Variants in SMARCC1 observed in about 807,000 individuals in gnomAD.
The protein encoded by SMARCC1 is SWI/SNF complex subunit SMARCC1.
A neutral mutation model predicts 147.4 loss-of-function variants in SMARCC1; 43 were observed. That is an observed-to-expected ratio of 0.29 (90% CI 0.23 to 0.38). The LOEUF is 0.38. Among genes scored for constraint, SMARCC1 ranks in the 10% least tolerant of loss-of-function variants. SMARCC1 has a pLI of 1.00. For missense variants in SMARCC1, 1,119 were observed against 1,381.1 expected, an observed-to-expected ratio of 0.81 and a Z score of 3.01; for synonymous variants, 495 against 484.4, an observed-to-expected ratio of 1.02 and a Z score of -0.29.
intron 21 of SMARCC1, among the ~76,000 whole-genome samples, chr3:47,654,796 C>T (rs1172959872): frequency 1.3e-5 from 2 of 152,158 alleles, no homozygotes; most frequent in Non-Finnish European, 2.9e-5. Context: ...AATCCAATTC[C>T]CCAAGAGTGA....
At chr3:47,734,999 C>T (rs1455639506) in intron 5 of SMARCC1, among the ~76,000 whole-genome samples, 2 of 152,178 alleles carry the variant, frequency 1.3e-5, no homozygotes, top group African/African-American at 2.4e-5. Context: ...TCGTGATCCG[C>T]CCGCCTTGGC....
chr3:47,738,756 A>G (rs2034474933), intron 3 of SMARCC1, among the ~76,000 whole-genome samples: 1 of 152,160 alleles, frequency 6.6e-6, no homozygotes, highest in Non-Finnish European at 1.5e-5. Context: ...CATCTTGGGT[A>G]TTTAATTCTA....
At chr3:47,780,933 G>A (rs2035039530) in intron 1 of SMARCC1, among the ~76,000 whole-genome samples, 1 of 152,056 alleles carries the variant, frequency 6.6e-6, no homozygotes, top group South Asian at 2.1e-4. Flanking sequence ...ATCAGTAAAT[G>A]AATAATTTCA....
intron 8 of SMARCC1, among the ~76,000 whole-genome samples, chr3:47,712,494 A>G (rs1285047413): frequency 6.6e-6 from 1 of 152,194 alleles, no homozygotes; most frequent in Non-Finnish European, 1.5e-5. Flanking sequence ...TCTCCTGAGA[A>G]AGAATGTTAG....
intron 21 of SMARCC1, 100 bp from the exon 22 acceptor site, chr3:47,638,880 A>G: frequency 1.2e-6 from 1 of 819,372 alleles, no homozygotes; most frequent in Non-Finnish European, 2.1e-6. Flanking sequence ...TATATACAGT[A>G]ATACATAACG....
chr3:47,672,508 G>A (rs1038408893), intron 18 of SMARCC1, among the ~76,000 whole-genome samples: 68 of 152,106 alleles, frequency 4.5e-4, no homozygotes, highest in African/African-American at 1.3e-3. Context: ...GTCCAGCCCC[G>A]CAAGGATTAC....
intron 14 of SMARCC1, among the ~76,000 whole-genome samples, chr3:47,685,190 A>T (rs1261758787): frequency 6.6e-6 from 1 of 152,174 alleles, no homozygotes; most frequent in African/African-American, 2.4e-5. Flanking sequence ...AGCTAGTCTA[A>T]TAACTGATAC....
At chr3:47,686,753 G>C (rs1263513603) in intron 13 of SMARCC1, among the ~76,000 whole-genome samples, 1 of 152,104 alleles carries the variant, frequency 6.6e-6, no homozygotes, top group African/African-American at 2.4e-5. Context: ...GGGAGGCTGA[G>C]GCAGGAGGAT....
rs1373911043 is a variant in SMARCC1 at position 47,676,801 on chromosome 3, A to G, written c.1572-19T>C. On this transcript the variant is annotated intron_variant, in intron 16 of 27. Coordinates refer to ENST00000254480, the MANE Select transcript of SMARCC1 (RefSeq NM_003074.4). The stretch of plus-strand genomic sequence containing the variant: ...ATGGACCCTAAAGAATAAAGCTCGG[A>G]AAGTTAAAATCTAAAGAATCAACTT... 2 of 1,608,694 alleles carry G rather than the reference A, an allele frequency of 1.2e-6. No homozygotes were observed. Among genetic ancestry groups the G allele is most frequent in the Admixed American group, 1.7e-5 (1 of 59,220 alleles).
rs1329118992 is a variant in SMARCC1, at chr3:47,781,587, G to A, written c.195+16C>T. ...GGTCGCGTGGTCTCCCGGCCCCCAC[G>A]GGCGCGCGAACCCACCTTCTTGTAG... On this transcript the variant is annotated intron_variant, in intron 1 of 27. Coordinates refer to ENST00000254480, the MANE Select transcript of SMARCC1 (RefSeq NM_003074.4). The A allele has an allele frequency of 1.3e-6, 2 of 1,500,042 alleles. No homozygotes were observed. The highest frequency in any genetic ancestry group is 1.8e-6 in the Non-Finnish European group (2 of 1,127,044). The allele number at this position is 1,500,042 out of a possible 1,614,324, so 92.9% of individuals were successfully genotyped here.
At chr3:47,749,943 G>A (rs1336745941) in intron 2 of SMARCC1, among the ~76,000 whole-genome samples, 1 of 151,216 alleles carries the variant, frequency 6.6e-6, no homozygotes, top group East Asian at 2.0e-4. Context: ...TTAGCCGGGC[G>A]TGGTGGCAGG....
At chr3:47,651,379 A>C (rs566478684) in intron 21 of SMARCC1, among the ~76,000 whole-genome samples, 13 of 152,314 alleles carry the variant, frequency 8.5e-5, no homozygotes, top group African/African-American at 3.1e-4. Flanking sequence ...AGACTTAAAC[A>C]TTAATATTTT....
chr3:47,752,610 G>A (rs1383868586), intron 2 of SMARCC1, among the ~76,000 whole-genome samples: 21 of 151,986 alleles, frequency 1.4e-4, no homozygotes, highest in Admixed American at 1.4e-3. Flanking sequence ...ACATAACAGA[G>A]CGAAACCCTG....
At chr3:47,633,759 A>AT (rs1576393727) in intron 24 of SMARCC1, among the ~76,000 whole-genome samples, 1 of 37,256 alleles carries the variant, frequency 2.7e-5, no homozygotes, top group East Asian at 1.6e-3. Context: ...AAAAAAAAAA[A>AT]AAAAATATAT....
intron 21 of SMARCC1, among the ~76,000 whole-genome samples, chr3:47,639,624 G>A (rs759818026): frequency 1.3e-5 from 2 of 152,134 alleles, no homozygotes; most frequent in Non-Finnish European, 1.5e-5. Context: ...TGAGGCAGGA[G>A]AATCACTTGA....
chr3:47,733,144 T>C (rs2034396421), intron 5 of SMARCC1, among the ~76,000 whole-genome samples: 1 of 152,054 alleles, frequency 6.6e-6, no homozygotes, highest in Admixed American at 6.6e-5. Flanking sequence ...CTAAAAAAGT[T>C]TGAAATACTG....
intron 6 of SMARCC1, among the ~76,000 whole-genome samples, chr3:47,721,856 T>A (rs985158983): frequency 4.6e-5 from 7 of 152,014 alleles, no homozygotes; most frequent in Admixed American, 2.0e-4. Context: ...TAAAAAATTT[T>A]AAAAATAAAA....
rs935248773 is a variant in SMARCC1 at position 47,610,156 on chromosome 3, C to T, written c.2953G>A (p.Ala985Thr). ...TGAGGCATCATGCCAGGGTGCCCTG[C>T]TGCTCCAAGTGGGGCCAGGCCAGGT... is the stretch of plus-strand genomic sequence containing the variant. ...GGPGLAPLGAAGHPGMMPHQQ... is the reference protein window; with the variant it reads ...GGPGLAPLGATGHPGMMPHQQ... Residue 985 changes from alanine (A) to threonine (T), a missense_variant, in exon 26 of 28, where the codon GCA becomes ACA. Around this residue, in one of 6 missense-constraint regions of SMARCC1, gnomAD observed 186 missense variants for 216.5 expected, o/e 0.86. Transcript: ENST00000254480. 1.9e-6 allele frequency: 3 copies of T among 1,613,944 alleles called. No individual in the cohort carries two copies. The African/African-American group carries it at 4.0e-5, about 22-fold the overall frequency.
intron 2 of SMARCC1, among the ~76,000 whole-genome samples, chr3:47,746,944 G>C (rs907189348): frequency 1.3e-5 from 2 of 151,872 alleles, no homozygotes; most frequent in South Asian, 2.1e-4. Flanking sequence ...TGGCCAGGCT[G>C]GTCTCGAACT....
Sources: gnomAD v4.1 joint callset for allele counts (sites outside exome capture counted in the v4.1 genomes callset) on GRCh38, gnomAD v4.1.1 for gene constraint, gnomAD v4.1.1 regional missense constraint, MANE v1.5 for transcripts, NCBI Gene and HGNC (gene_info 2026-07-23, HGNC 2026-07-21) for gene names.